COL5A3: variants seen among roughly 807,000 people sequenced by gnomAD.
COL5A3 encodes the protein collagen type V alpha 3 chain.
A neutral mutation model predicts 250.0 loss-of-function variants in COL5A3; 172 were observed. The ratio of observed to expected loss-of-function variants is 0.69; its 90% confidence interval spans 0.61 to 0.78. The LOEUF (loss-of-function observed/expected upper bound fraction) is 0.78, where lower values mean the gene tolerates loss of function less well. Among genes scored for constraint, COL5A3 ranks in the 30% least tolerant of loss-of-function variants. COL5A3 has a pLI of 0.00. For synonymous variants in COL5A3, 937 were observed against 900.4 expected (o/e 1.04, Z -0.73); for missense variants, 2,340 against 2,334.4 (o/e 1.00, Z -0.05).
Position 9,981,129 on chromosome 19 carries a change from T to C in COL5A3, c.2464A>G (p.Lys822Glu), listed in dbSNP as rs753365810. 5 of 1,614,018 alleles carry C rather than the reference T, an allele frequency of 3.1e-6. No individual in the cohort carries two copies. The highest frequency in any genetic ancestry group is 4.2e-6 in the Non-Finnish European group (5 of 1,179,946). ...CCTTCCAGGCCTGGCTGCCCTGTCT[T>C]TCCCTGAAAATGAATTGTAAGAGAG... Reference protein sequence around the residue: ...GPIGEKGKSGKTGQPGLEGER... With the variant: ...GPIGEKGKSGETGQPGLEGER... Residue 822 changes from lysine (K) to glutamate (E), a missense_variant, in exon 33 of 67, where the codon AAG becomes GAG. Around this residue, in one of 3 missense-constraint regions of COL5A3, gnomAD observed 1,152 missense variants for 1,146.3 expected, o/e 1.00. Coordinates refer to ENST00000264828, the MANE Select transcript of COL5A3 (RefSeq NM_015719.4).
At chr19:10,007,884 G>C (rs975230475) in intron 1 of COL5A3, among the ~76,000 whole-genome samples, 1 of 151,448 alleles carries the variant, frequency 6.6e-6, no homozygotes. Context: ...TTCTGTGCCG[G>C]GTCTTTCCAG....
chr19:9,986,900 A>G (rs2087108650), intron 27 of COL5A3, 142 bp from the exon 28 acceptor site: 2 of 906,236 alleles, frequency 2.2e-6, no homozygotes, highest in Non-Finnish European at 3.4e-6. Flanking sequence ...AGAAGAAATG[A>G]TCTTTCCCCA....
intron 54 of COL5A3, among the ~76,000 whole-genome samples, chr19:9,970,153 G>T (rs1383967947): frequency 1.1e-5 from 1 of 92,470 alleles, no homozygotes; most frequent in Non-Finnish European, 2.3e-5. Context: ...TGGGTGAGTG[G>T]GGTCTGTGGG....
In COL5A3 at chr19:10,001,858, T is replaced by A. The variant is rs571797474; in HGVS notation, c.873A>T (p.Thr291=). 101 of 1,613,918 alleles carry A rather than the reference T, an allele frequency of 6.3e-5. No homozygotes were observed. The South Asian group carries it at 1.1e-3, about 17-fold the overall frequency. ...ENQTSTDIPK[T]ETPAPNLPPT... is the part of the protein sequence containing the mutation. ...GAGGCAGATTTGGAGCTGGAGTCTCTGTCTTGGGGATGTCAGTGGAGGTCT... is the reference window on the plus strand; with the variant it reads ...GAGGCAGATTTGGAGCTGGAGTCTCAGTCTTGGGGATGTCAGTGGAGGTCT... Residue 291 remains threonine, a synonymous_variant, in exon 7 of 67, where the codon ACA becomes ACT. Transcript: ENST00000264828.
Position 9,992,881 on chromosome 19 carries a change from C to T in COL5A3, c.1795-1G>A. 6.2e-7 allele frequency: 1 copy of T among 1,613,988 alleles called. No individual in the cohort carries two copies. The highest frequency in any genetic ancestry group is 2.2e-5 in the East Asian group (1 of 44,872). On this transcript the variant is annotated splice_acceptor_variant, in intron 20 of 66. Transcript: ENST00000264828. LOFTEE classifies it high-confidence loss of function. ...TGGGGCCAAGCAGTCCTCGTGGACC[C>T]TGCAAGGGAGCAGGCGAATTATTTC... is the stretch of plus-strand genomic sequence containing the variant.
intron 11 of COL5A3, chr19:9,997,054 G>A (rs1265825822): frequency 4.1e-5 from 22 of 530,632 alleles, no homozygotes; most frequent in African/African-American, 5.8e-5. Flanking sequence ...AGAGATGGAC[G>A]GAGGGAGAGG....
In COL5A3 at chr19:9,996,691, T is replaced by C. The variant is rs777451134; in HGVS notation, c.1264-2A>G. The C allele has an allele frequency of 6.3e-7, 1 of 1,598,954 alleles. No individual in the cohort carries two copies. Among genetic ancestry groups the C allele is most frequent in the Non-Finnish European group, 8.5e-7 (1 of 1,175,828 alleles). ...GATTCCTGGGAGGCCAGCAGGGCCC[T>C]GAGAGAGGGATGGGGGAAGAGAGGT... On this transcript the variant is annotated splice_acceptor_variant, in intron 11 of 66. Transcript: ENST00000264828. LOFTEE classifies it high-confidence loss of function.
intron 11 of COL5A3, chr19:9,996,980 C>T: frequency 1.9e-6 from 1 of 527,142 alleles, no homozygotes; most frequent in Non-Finnish European, 3.3e-6. Flanking sequence ...GAGAGATAGA[C>T]AGAGACAGAA....
Position 9,982,112 on chromosome 19 carries a change from T to C in COL5A3, c.2413A>G (p.Ile805Val), listed in dbSNP as rs764780467. The C allele has an allele frequency of 1.9e-6, 3 of 1,602,160 alleles. No individual in the cohort carries two copies. The highest frequency in any genetic ancestry group is 4.5e-5 in the East Asian group (2 of 44,320). ...GGTCCCAGGGGACCGGGAAATCCAA[T>C]AGATCCCTGAGTGGAGAGAATTAGA... ...YPGRPGPKGS[I>V]GFPGPLGPIG... Residue 805 changes from isoleucine to valine, a missense_variant, in exon 32 of 67, where the codon ATT (isoleucine) becomes GTT (valine). Physicochemically the swap from Ile to Val is conservative, Grantham distance 29 (BLOSUM62 3). This residue lies in a region of COL5A3 where 1,152 missense variants were observed against 1,146.3 expected (regional missense o/e 1.00). Transcript: ENST00000264828.
At chr19:9,996,177 C>T (rs371944119) in intron 14 of COL5A3, 29 bp downstream of exon 14, 34 of 1,556,004 alleles carry the variant, frequency 2.2e-5, no homozygotes, top group African/African-American at 1.6e-4. Context: ...ATGCATGCAC[C>T]GCCCCCTCCA....
chr19:9,982,091 C>G lies in COL5A3; in HGVS notation c.2434G>C (p.Gly812Arg), dbSNP rs775818064. The G allele has an allele frequency of 3.2e-5, 51 of 1,608,424 alleles. 3 individuals carry two copies. In the Middle Eastern group the frequency reaches 8.5e-4, roughly 27 times the overall value. ...KGSIGFPGPLGPIGEKGKSGK... is the reference protein window; with the variant it reads ...KGSIGFPGPLRPIGEKGKSGK... ...GACTTCCCTTTCTCTCCTATGGGTCCCAGGGGACCGGGAAATCCAATAGAT... is the reference window on the plus strand; with the variant it reads ...GACTTCCCTTTCTCTCCTATGGGTCGCAGGGGACCGGGAAATCCAATAGAT... Residue 812 changes from glycine (G) to arginine (R), a missense_variant, in exon 32 of 67, where the codon GGA (glycine) becomes CGA (arginine). Gly to Arg is a moderately radical substitution (Grantham distance 125). Transcript: ENST00000264828.
At position 9,998,162 on chromosome 19, in the gene COL5A3, C is replaced by T; in HGVS notation, c.1111-13G>A. ...TCTCTCCAGCACCCTGGGGTGGGGT[C>T]AGGGGAGATGGAGAGAAAAGAGATG... On this transcript the variant is annotated splice_polypyrimidine_tract_variant and intron_variant, in intron 8 of 66. Transcript: ENST00000264828. 3 of 1,609,068 alleles carry T rather than the reference C, an allele frequency of 1.9e-6. No homozygotes were observed. Among genetic ancestry groups the T allele is most frequent in the Admixed American group, 1.7e-5 (1 of 58,892 alleles).
At chr19:10,007,115 CT>C (rs1431288259) in intron 1 of COL5A3, among the ~76,000 whole-genome samples, 2 of 150,594 alleles carry the variant, frequency 1.3e-5, no homozygotes, top group Non-Finnish European at 3.0e-5. Context: ...TGACTCTCCC[CT>C]ATGACCTCCT....
chr19:10,005,525 C>T (rs772106075), intron 4 of COL5A3, 33 bp downstream of exon 4: 1 of 1,609,478 alleles, frequency 6.2e-7, no homozygotes, highest in South Asian at 1.1e-5. Flanking sequence ...ATCCCACCCT[C>T]TGCCTCAGTT....
intron 10 of COL5A3, among the ~76,000 whole-genome samples, chr19:9,997,772 A>G (rs1009833490): frequency 6.6e-6 from 1 of 152,098 alleles, no homozygotes; most frequent in Non-Finnish European, 1.5e-5. Context: ...TTAAAAAAAT[A>G]TATGGCTATT....
Position 9,977,709 on chromosome 19 carries a change from C to G in COL5A3, c.3019-8G>C. 6.4e-7 allele frequency: 1 copy of G among 1,562,254 alleles called. No individual in the cohort carries two copies. Among genetic ancestry groups the G allele is most frequent in the Non-Finnish European group, 8.7e-7 (1 of 1,155,662 alleles). Reference sequence around the variant, plus strand: ...GCGCTCACCAGGGGAGCCCTGAGAACAGGGGTGATGAATCAGGTATAATAC... The same window carrying G: ...GCGCTCACCAGGGGAGCCCTGAGAAGAGGGGTGATGAATCAGGTATAATAC... On this transcript the variant is annotated splice_polypyrimidine_tract_variant and splice_region_variant and intron_variant, in intron 41 of 66. Coordinates refer to ENST00000264828, the MANE Select transcript of COL5A3 (RefSeq NM_015719.4).
chr19:9,962,287 T>C (rs1326464902), intron 65 of COL5A3, among the ~76,000 whole-genome samples: 2 of 152,074 alleles, frequency 1.3e-5, no homozygotes, highest in African/African-American at 4.8e-5. Context: ...TTTGTATTTT[T>C]AGCAGAGATG....
chr19:9,974,777 T>C (rs2086896940), intron 45 of COL5A3, among the ~76,000 whole-genome samples: 1 of 152,032 alleles, frequency 6.6e-6, no homozygotes, highest in Admixed American at 6.6e-5. Context: ...GGGTTAAGGA[T>C]AGGGCCGTAT....
chr19:9,999,490 CAG>C (rs1006394493), intron 8 of COL5A3, among the ~76,000 whole-genome samples: 3 of 105,568 alleles, frequency 2.8e-5, no homozygotes, highest in Non-Finnish European at 5.1e-5. Context: ...TTTTTTGAGA[CAG>C]AGTCTCCCTC....
Sources: gnomAD v4.1 joint callset for allele counts (sites outside exome capture counted in the v4.1 genomes callset) on GRCh38, gnomAD v4.1.1 for gene constraint, gnomAD v4.1.1 regional missense constraint, MANE v1.5 for transcripts, NCBI Gene and HGNC (gene_info 2026-07-23, HGNC 2026-07-21) for gene names.